DGKH: variants seen among roughly 807,000 people sequenced by gnomAD.
DGKH encodes the protein diacylglycerol kinase eta, also known as DAG kinase eta.
Under a neutral mutation model 159.3 loss-of-function variants are expected in DGKH, and 90 were observed. The ratio of observed to expected loss-of-function variants is 0.57; its 90% CI spans 0.48 to 0.67. DGKH has a LOEUF of 0.67. Among genes scored for constraint, DGKH ranks in the 30% least tolerant of loss-of-function variants. The pLI is 0.00. For synonymous variants in DGKH, 536 were observed against 553.8 expected (o/e 0.97, Z 0.45); for missense variants, 1,181 against 1,506.1 (o/e 0.78, Z 3.57).
intron 1 of DGKH, among the ~76,000 whole-genome samples, chr13:42,056,791 C>G (rs372686903): frequency 9.2e-5 from 14 of 152,134 alleles, no homozygotes; most frequent in Admixed American, 2.0e-4. Flanking sequence ...CCTTACTTCT[C>G]TTGGCCTCTC....
intron 30 of DGKH, among the ~76,000 whole-genome samples, chr13:42,255,272 T>A (rs936254075): frequency 1.1e-4 from 16 of 152,030 alleles, no homozygotes; most frequent in Non-Finnish European, 2.1e-4. Context: ...TTTATGAGAA[T>A]GAATGGAGAT....
intron 1 of DGKH, among the ~76,000 whole-genome samples, chr13:42,098,961 A>G (rs143250263): frequency 1.6e-4 from 24 of 152,342 alleles, no homozygotes; most frequent in African/African-American, 5.5e-4. Context: ...CATAGGAAAC[A>G]TGATTAAATG....
chr13:42,203,181 T>C lies in DGKH; in HGVS notation c.2494-2858T>C, dbSNP rs139619233. Among the ~76,000 whole-genome samples the C allele has an allele frequency of 6.4e-4, 97 of 152,342 alleles. 1 individual carries two copies. The highest frequency in any genetic ancestry group is 2.1e-3 in the African/African-American group (89 of 41,596). On this transcript the variant is annotated intron_variant, in intron 20 of 29. Transcript: ENST00000337343. ...AGTAATAACTAGTTGTAACTACTTT[T>C]TAAATCATTTTGAATGAAGTTTACT...
chr13:42,129,393 C>G (rs947733468), intron 2 of DGKH, among the ~76,000 whole-genome samples, 159 bp from the exon 3 acceptor site: 1 of 152,178 alleles, frequency 6.6e-6, no homozygotes, highest in African/African-American at 2.4e-5. Context: ...GTACTTTATG[C>G]TTTTATTTTT....
At position 42,240,234 on chromosome 13, in the gene DGKH, A is replaced by C. The variant is rs1292668113; in HGVS notation, c.*11046A>C. The C allele has an allele frequency of 6.6e-6, 1 of 152,252 alleles. No individual in the cohort carries two copies. Among genetic ancestry groups the C allele is most frequent in the African/African-American group, 2.4e-5 (1 of 41,466 alleles). The allele number at this position is 152,252 out of a possible 1,614,324, so 9.4% of individuals were successfully genotyped here. ...ACAAAGGCTTAGAATTCCACATGAA[A>C]GTCCACATGAGGTAAGTGTGCATTC... On this transcript the variant is annotated 3_prime_UTR_variant, in exon 30 of 30. Transcript: ENST00000337343.
intron 3 of DGKH, among the ~76,000 whole-genome samples, chr13:42,149,694 T>A (rs1955829212): frequency 6.6e-6 from 1 of 152,230 alleles, no homozygotes. Context: ...CATACTCTGT[T>A]GTTGGATTGT....
chr13:42,251,168 G>C (rs1958617512), intron 29 of DGKH, among the ~76,000 whole-genome samples: 1 of 152,068 alleles, frequency 6.6e-6, no homozygotes. Context: ...TTATTGTAAA[G>C]CTCTGTGAAT....
At chr13:42,098,360 G>T (rs1466248177) in intron 1 of DGKH, among the ~76,000 whole-genome samples, 1 of 152,128 alleles carries the variant, frequency 6.6e-6, no homozygotes, top group African/African-American at 2.4e-5. Context: ...GGTGGCACAT[G>T]CCTGTGGTCC....
At position 42,238,952 on chromosome 13, in the gene DGKH, G is replaced by T. The variant is rs1021159740; in HGVS notation, c.*9764G>T. The T allele has an allele frequency of 6.6e-6, 1 of 151,936 alleles. No individual in the cohort carries two copies. Among genetic ancestry groups the T allele is most frequent in the African/African-American group, 2.4e-5 (1 of 41,384 alleles). 9.4% of individuals were successfully genotyped at this position (151,936 alleles called of 1,614,324 possible). A position where few individuals can be genotyped will look rare whatever the true frequency, so the allele number is the denominator to read the frequency against. On this transcript the variant is annotated 3_prime_UTR_variant, in exon 30 of 30. Transcript: ENST00000337343. ...TTTGGAGCTCCTGTTGCATCTCACT[G>T]CCCCAAAAATGTTGGAATGCCATAT...
chr13:42,250,578 G>A (rs1384594919), intron 29 of DGKH, among the ~76,000 whole-genome samples: 2 of 151,844 alleles, frequency 1.3e-5, no homozygotes, highest in Admixed American at 1.3e-4. Context: ...TACAAACTGG[G>A]GACTCTTACT....
chr13:42,095,603 C>T (rs1954514330), intron 1 of DGKH, among the ~76,000 whole-genome samples: 1 of 152,108 alleles, frequency 6.6e-6, no homozygotes, highest in Non-Finnish European at 1.5e-5. Flanking sequence ...CAATTTTCTT[C>T]TATATTCCCT....
In DGKH at chr13:42,239,472, T is replaced by G. The variant is rs1327451779; in HGVS notation, c.*10284T>G. The stretch of plus-strand genomic sequence containing the variant: ...TAAGCAAAAGCATTTTCTGCATCAA[T>G]TTTTTTCAGTATGCAGTTGCATATT... On this transcript the variant is annotated 3_prime_UTR_variant, in exon 30 of 30. Coordinates refer to ENST00000337343, the MANE Select transcript of DGKH (RefSeq NM_178009.5). 1 of 152,598 alleles carries G rather than the reference T, an allele frequency of 6.6e-6. No individual in the cohort carries two copies. The highest frequency in any genetic ancestry group is 1.5e-5 in the Non-Finnish European group (1 of 68,002). The allele number at this position is 152,598 out of a possible 1,614,324, so 9.5% of individuals were successfully genotyped here.
chr13:42,172,816 G>A (rs1217571813), intron 11 of DGKH, among the ~76,000 whole-genome samples: 1 of 151,926 alleles, frequency 6.6e-6, no homozygotes, highest in East Asian at 1.9e-4. Flanking sequence ...TGGGATTACA[G>A]GTGCCCGCCA....
intron 29 of DGKH, among the ~76,000 whole-genome samples, chr13:42,249,865 AC>A (rs1958608313): frequency 6.6e-6 from 1 of 152,198 alleles, no homozygotes; most frequent in African/African-American, 2.4e-5. Context: ...GGTTTGGGAC[AC>A]CAACATTTGA....
At chr13:42,134,308 C>T (rs928004956) in intron 3 of DGKH, among the ~76,000 whole-genome samples, 4 of 152,150 alleles carry the variant, frequency 2.6e-5, no homozygotes, top group Non-Finnish European at 5.9e-5. Flanking sequence ...TTAAGACAGT[C>T]GTGTCAAAGG....
At chr13:42,219,480 A>G (rs993910545) in intron 27 of DGKH, 131 bp downstream of exon 27, 51 of 1,405,028 alleles carry the variant, frequency 3.6e-5, no homozygotes, top group African/African-American at 7.2e-5. Context: ...CTGTTCTTGA[A>G]CAAATGAGAA....
At position 42,217,941 on chromosome 13, in the gene DGKH, C is replaced by T. The variant is rs144540683; in HGVS notation, c.3214-1289C>T. Among the ~76,000 whole-genome samples the T allele has an allele frequency of 6.6e-5, 10 of 152,228 alleles. No individual in the cohort carries two copies. The East Asian group carries it at 1.2e-3, about 18-fold the overall frequency. Reference sequence around the variant, plus strand: ...CCCAGCTACTTTGGTGGCTGAGGCACGAGAATTGCTTGAACCCAGAAGGCC... The same window carrying T: ...CCCAGCTACTTTGGTGGCTGAGGCATGAGAATTGCTTGAACCCAGAAGGCC... On this transcript the variant is annotated intron_variant, in intron 26 of 29. Transcript: ENST00000337343.
At chr13:42,134,810 C>G (rs957776752) in intron 3 of DGKH, among the ~76,000 whole-genome samples, 3 of 152,092 alleles carry the variant, frequency 2.0e-5, no homozygotes, top group African/African-American at 7.2e-5. Context: ...CCCCCCTTGT[C>G]TACTAAATAT....
At chr13:42,125,573 G>A (rs1441187183) in intron 1 of DGKH, among the ~76,000 whole-genome samples, 1 of 152,080 alleles carries the variant, frequency 6.6e-6, no homozygotes, top group African/African-American at 2.4e-5. Context: ...TTGCTCTTTG[G>A]TACTGACTTT....
Sources: gnomAD v4.1 joint callset for allele counts (sites outside exome capture counted in the v4.1 genomes callset) on GRCh38, gnomAD v4.1.1 for gene constraint, MANE v1.5 for transcripts, NCBI Gene and HGNC (gene_info 2026-07-23, HGNC 2026-07-21) for gene names.